Variants in SLC6A16 observed in about 807,000 individuals in gnomAD.
The protein encoded by SLC6A16 is solute carrier family 6 member 16, also known as orphan sodium- and chloride-dependent neurotransmitter transporter NTT5.
SLC6A16 carries 54 observed loss-of-function variants against 65.4 expected under a neutral mutation model. The observed-to-expected ratio is 0.83, with a 90% CI of 0.66 to 1.04. SLC6A16 has a LOEUF of 1.04. SLC6A16 is among the 50% of genes least tolerant of loss of function. SLC6A16 has a pLI of 0.00. For synonymous variants in SLC6A16, 330 were observed against 346.5 expected (o/e 0.95, Z 0.53); for missense variants, 816 against 914.0 (o/e 0.89, Z 1.38).
intron 7 of SLC6A16, among the ~76,000 whole-genome samples, chr19:49,299,216 A>T (rs1970238787): frequency 1.3e-5 from 2 of 150,932 alleles, no homozygotes; most frequent in Non-Finnish European, 3.0e-5. Flanking sequence ...TCTGCAGTCC[A>T]GCCTGGGCAA....
chr19:49,306,147 A>C (rs987027201), intron 7 of SLC6A16: 1 of 151,980 alleles, frequency 6.6e-6, no homozygotes, highest in Non-Finnish European at 1.5e-5. Context: ...AAATACAAAA[A>C]ATTAGCCAGG....
At chr19:49,295,754 A>G (rs768594538) in intron 7 of SLC6A16, among the ~76,000 whole-genome samples, 1 of 152,198 alleles carries the variant, frequency 6.6e-6, no homozygotes, top group Non-Finnish European at 1.5e-5. Context: ...CTTTTCAGAT[A>G]CAAAAGGGGG....
upstream of SLC6A16, among the ~76,000 whole-genome samples, chr19:49,327,219 T>A (rs1465978644): frequency 6.6e-6 from 1 of 151,936 alleles, no homozygotes. Context: ...GGGTTGCAGG[T>A]GCCTGCCATT....
chr19:49,295,272 C>T (rs547653709), intron 7 of SLC6A16, among the ~76,000 whole-genome samples: 2 of 151,910 alleles, frequency 1.3e-5, no homozygotes, highest in East Asian at 1.9e-4. Context: ...CCCAGCTATT[C>T]GGGAGGCTGA....
chr19:49,293,204 C>T lies in SLC6A16; in HGVS notation c.1778+19G>A, dbSNP rs1357862019. 6.2e-7 allele frequency: 1 copy of T among 1,613,468 alleles called. No individual in the cohort carries two copies. Among genetic ancestry groups the T allele is most frequent in the Non-Finnish European group, 8.5e-7 (1 of 1,179,600 alleles). On this transcript the variant is annotated intron_variant, in intron 10 of 11. Coordinates refer to ENST00000335875, the MANE Select transcript of SLC6A16 (RefSeq NM_014037.3). ...CCTATAGTCCCATGCTTTGTGAGAA[C>T]CTGGGCTTAGGACATCACCTCCTGG...
chr19:49,320,622 T>G (rs1970695423), intron 1 of SLC6A16, among the ~76,000 whole-genome samples: 1 of 151,766 alleles, frequency 6.6e-6, no homozygotes, highest in Admixed American at 6.6e-5. Context: ...TTTAACTAGA[T>G]GTACTAAGAA....
chr19:49,337,691 A>T, the SLC6A16 span: 3 of 1,530,022 alleles, frequency 2.0e-6, no homozygotes, highest in Non-Finnish European at 2.6e-6. Flanking sequence ...CACACGGGAA[A>T]AAGAGAGAAC....
chr19:49,314,797 TA>T (rs1287338075), intron 1 of SLC6A16, among the ~76,000 whole-genome samples: 1 of 152,156 alleles, frequency 6.6e-6, no homozygotes, highest in Non-Finnish European at 1.5e-5. Context: ...AAAACAAATC[TA>T]AATTGAAGTA....
chr19:49,325,182 C>A lies in SLC6A16; in HGVS notation c.-199G>T. 2.0e-6 allele frequency: 2 copies of A among 985,504 alleles called. No individual in the cohort carries two copies. The highest frequency in any genetic ancestry group is 1.2e-6 in the Non-Finnish European group (1 of 829,978). 61.0% of individuals were successfully genotyped at this position (985,504 alleles called of 1,614,324 possible). On this transcript the variant is annotated 5_prime_UTR_variant, in exon 1 of 12. Coordinates refer to ENST00000335875, the MANE Select transcript of SLC6A16 (RefSeq NM_014037.3). The stretch of plus-strand genomic sequence containing the variant: ...GTCGACAGATCGGTTTGGGCGACAC[C>A]CCTCGATCTGCCTGGCGCGCGGCCT...
Position 49,308,879 on chromosome 19 carries a change from T to C in SLC6A16, c.1226A>G (p.Glu409Gly). The C allele has an allele frequency of 6.2e-7, 1 of 1,614,112 alleles. No homozygotes were observed. Among genetic ancestry groups the C allele is most frequent in the Non-Finnish European group, 8.5e-7 (1 of 1,180,010 alleles). The change falls in exon 7 of 12, where the codon GAG becomes GGG. Residue 409 changes from glutamate to glycine, a missense_variant. Glu to Gly is a moderately conservative substitution (Grantham distance 98). Coordinates refer to ENST00000335875, the MANE Select transcript of SLC6A16 (RefSeq NM_014037.3). ...TTAACAAAGGGGCCGGCCTTACCTC[T>C]CACAGCAGCGATGTGTGATGACTGT... ...WATVITHRCC[E>G]RNAEILLKLI...
chr19:49,338,559 C>A, the SLC6A16 span: 1 of 677,568 alleles, frequency 1.5e-6, no homozygotes, highest in Non-Finnish European at 2.6e-6. The surrounding 1 kb of genome is among the most constrained non-coding windows in gnomAD (Gnocchi z 5.0). Flanking sequence ...CCATCGTGAC[C>A]CCAGCCCACT....
At chr19:49,328,067 A>G (rs1269983024), upstream of SLC6A16, among the ~76,000 whole-genome samples, 2 of 152,156 alleles carry the variant, frequency 1.3e-5, no homozygotes, top group African/African-American at 2.4e-5. Context: ...TTTCATTTTA[A>G]TGGCAGGCTC....
chr19:49,313,889 G>A (rs1970569895), intron 1 of SLC6A16, among the ~76,000 whole-genome samples: 1 of 152,098 alleles, frequency 6.6e-6, no homozygotes, highest in South Asian at 2.1e-4. Context: ...GAGGTCAGGA[G>A]ATCGAGACCA....
At chr19:49,331,086 G>A in the SLC6A16 span, among the ~76,000 whole-genome samples, 1 of 152,112 alleles carries the variant, frequency 6.6e-6, no homozygotes, top group African/African-American at 2.4e-5. Context: ...AGTTCTGGAT[G>A]CCAAAAGTCC....
At position 49,322,436 on chromosome 19, in the gene SLC6A16, T is replaced by G. The variant is rs143824253; in HGVS notation, c.-65+2612A>C. Among the ~76,000 whole-genome samples the G allele has an allele frequency of 5.0e-3, 762 of 151,266 alleles. 5 individuals carry two copies. Among genetic ancestry groups the G allele is most frequent in the African/African-American group, 0.017 (713 of 41,226 alleles). On this transcript the variant is annotated intron_variant, in intron 1 of 11. Coordinates refer to ENST00000335875, the MANE Select transcript of SLC6A16 (RefSeq NM_014037.3). ...TGGGCAGATCACCTGAGGTCAGGAG[T>G]TCGAGACCAGCCTGACGAACATGGA...
At chr19:49,301,311 A>G (rs185841431) in intron 7 of SLC6A16, among the ~76,000 whole-genome samples, 240 of 152,180 alleles carry the variant, frequency 1.6e-3, no homozygotes, top group Non-Finnish European at 2.4e-3. Context: ...GTTTTGGGAC[A>G]CTGCCCAACC....
At chr19:49,315,479 G>T (rs76712132) in intron 1 of SLC6A16, among the ~76,000 whole-genome samples, 317 of 152,264 alleles carry the variant, frequency 2.1e-3, no homozygotes, top group African/African-American at 7.4e-3. Context: ...AAAGGCTGAA[G>T]AAAAAATTAG....
upstream of SLC6A16, among the ~76,000 whole-genome samples, chr19:49,325,596 G>A (rs757844033): frequency 6.6e-6 from 1 of 152,170 alleles, no homozygotes. Context: ...GGCAGACAGG[G>A]ACGTTGCCTT....
intron 2 of SLC6A16, among the ~76,000 whole-genome samples, chr19:49,310,723 T>C (rs1469877305): frequency 6.6e-6 from 1 of 152,224 alleles, no homozygotes; most frequent in African/African-American, 2.4e-5. Flanking sequence ...CCAGCCCATC[T>C]TGGGCCCAGG....
Sources: allele counts gnomAD v4.1 joint callset (sites outside exome capture counted in the v4.1 genomes callset), GRCh38; gene constraint gnomAD v4.1.1; non-coding constraint Gnocchi (gnomAD v3.1); transcripts MANE v1.5; gene names NCBI Gene and HGNC (gene_info 2026-07-23, HGNC 2026-07-21).